The following CACNB4 variants were observed in gnomAD, a reference collection of about 807,000 sequenced individuals.
The protein encoded by CACNB4 is voltage-dependent L-type calcium channel subunit beta-4.
Under a neutral mutation model 71.2 loss-of-function variants are expected in CACNB4, and 32 were observed. That is an observed-to-expected ratio of 0.45 (90% CI 0.34 to 0.60). The LOEUF is 0.60. Among genes scored for constraint, CACNB4 ranks in the 20% least tolerant of loss-of-function variants. CACNB4 has a pLI of 0.01. For missense variants in CACNB4, 464 were observed against 647.9 expected (o/e 0.72, Z 3.08); for synonymous variants, 231 against 236.9 (o/e 0.97, Z 0.23).
At chr2:151,839,400 A>G in intron 13 of CACNB4, 21 bp from the exon 14 acceptor site, 1 of 1,573,884 alleles carries the variant, frequency 6.4e-7, no homozygotes, top group Non-Finnish European at 8.7e-7. Context: ...CAGATAGTTC[A>G]TTGATTAAAT....
chr2:152,020,471 C>G (rs958769829), intron 2 of CACNB4, among the ~76,000 whole-genome samples: 1 of 151,984 alleles, frequency 6.6e-6, no homozygotes, highest in East Asian at 1.9e-4. Context: ...GTGAATTGGA[C>G]GTGAGGAAAT....
At chr2:152,096,087 G>A (rs1029477813) in intron 2 of CACNB4, among the ~76,000 whole-genome samples, 9 of 152,206 alleles carry the variant, frequency 5.9e-5, no homozygotes, top group African/African-American at 2.2e-4. Flanking sequence ...TCAAAGAAAT[G>A]TAAATCCCTC....
intron 2 of CACNB4, among the ~76,000 whole-genome samples, chr2:152,053,044 C>A (rs1360938947): frequency 6.6e-6 from 1 of 152,108 alleles, no homozygotes; most frequent in Admixed American, 6.6e-5. Context: ...TTTGTCTCTG[C>A]CTCTAATTCC....
At chr2:152,013,654 C>A (rs542463180) in intron 2 of CACNB4, among the ~76,000 whole-genome samples, 1 of 152,162 alleles carries the variant, frequency 6.6e-6, no homozygotes, top group African/African-American at 2.4e-5. Flanking sequence ...ACCCTTCCCC[C>A]AGGATATAGA....
At chr2:152,054,239 G>A (rs1309145873) in intron 2 of CACNB4, among the ~76,000 whole-genome samples, 3 of 151,752 alleles carry the variant, frequency 2.0e-5, no homozygotes, top group East Asian at 1.9e-4. Context: ...GGTGGCGCGC[G>A]CCTGTAGTCC....
At chr2:151,907,459 C>A (rs1384586375) in intron 2 of CACNB4, among the ~76,000 whole-genome samples, 1 of 152,114 alleles carries the variant, frequency 6.6e-6, no homozygotes, top group Non-Finnish European at 1.5e-5. Flanking sequence ...TTCCCATATA[C>A]CCTTCACCCA....
chr2:152,079,154 T>C (rs554239783), intron 2 of CACNB4, among the ~76,000 whole-genome samples: 25 of 152,176 alleles, frequency 1.6e-4, no homozygotes, highest in Non-Finnish European at 3.2e-4. Context: ...AGTGGCTCGA[T>C]CTAAGCTCAC....
intron 2 of CACNB4, among the ~76,000 whole-genome samples, chr2:152,017,917 C>G (rs1324874242): frequency 6.6e-6 from 1 of 151,674 alleles, no homozygotes; most frequent in Non-Finnish European, 1.5e-5. Flanking sequence ...ACTGCAACCT[C>G]TGCCTCCTGG....
intron 2 of CACNB4, among the ~76,000 whole-genome samples, chr2:152,026,796 C>G (rs1684002269): frequency 6.6e-6 from 1 of 152,204 alleles, no homozygotes; most frequent in African/African-American, 2.4e-5. Context: ...GCTCACTACT[C>G]CAGACCAAAA....
intron 2 of CACNB4, among the ~76,000 whole-genome samples, chr2:151,911,891 T>C (rs113062684): frequency 0.1 from 15,301 of 152,206 alleles, 1,567 homozygotes; most frequent in East Asian, 0.55. Context: ...CCTGGTTTAA[T>C]CTCGGTAGGG....
chr2:151,889,395 G>A (rs2099850176), intron 2 of CACNB4, among the ~76,000 whole-genome samples: 1 of 147,774 alleles, frequency 6.8e-6, no homozygotes, highest in Non-Finnish European at 1.5e-5. Flanking sequence ...GAACCCAGGA[G>A]AAGGAGGTTG....
intron 3 of CACNB4, 70 bp downstream of exon 3, chr2:151,883,181 A>T: frequency 6.7e-7 from 1 of 1,487,820 alleles, no homozygotes. Context: ...AATGTGAGGT[A>T]AGGGAAGAGC....
chr2:151,980,057 A>T (rs1287056066), intron 2 of CACNB4, among the ~76,000 whole-genome samples: 1 of 152,228 alleles, frequency 6.6e-6, no homozygotes, highest in Non-Finnish European at 1.5e-5. Context: ...TGTTTAACGT[A>T]AAATTAGTAA....
At chr2:152,062,679 A>G (rs1239712702) in intron 2 of CACNB4, among the ~76,000 whole-genome samples, 3 of 152,244 alleles carry the variant, frequency 2.0e-5, no homozygotes, top group Admixed American at 6.5e-5. Context: ...CCAGCTTTGG[A>G]GCAGCTCCTG....
chr2:151,992,264 CA>C (rs1251372784), intron 2 of CACNB4, among the ~76,000 whole-genome samples: 1 of 152,212 alleles, frequency 6.6e-6, no homozygotes, highest in African/African-American at 2.4e-5. Context: ...GCCTGGCACC[CA>C]AAAAGTGCCA....
chr2:151,860,521 T>C (rs747154169), intron 10 of CACNB4, 190 bp downstream of exon 10: 1 of 604,696 alleles, frequency 1.7e-6, no homozygotes. Flanking sequence ...TGACTAAAGC[T>C]GAGAGACAGC....
intron 2 of CACNB4, among the ~76,000 whole-genome samples, chr2:152,002,254 T>A (rs1335831476): frequency 6.6e-6 from 1 of 152,216 alleles, no homozygotes; most frequent in African/African-American, 2.4e-5. Flanking sequence ...TCTTTCGTCC[T>A]CTTACTTGAA....
intron 2 of CACNB4, among the ~76,000 whole-genome samples, chr2:151,985,554 T>C (rs1681308759): frequency 6.6e-6 from 1 of 152,198 alleles, no homozygotes; most frequent in African/African-American, 2.4e-5. Context: ...ATTAGCTCAA[T>C]GTGAAGTACC....
intron 2 of CACNB4, among the ~76,000 whole-genome samples, chr2:152,039,173 C>T (rs1684748765): frequency 6.6e-6 from 1 of 152,164 alleles, no homozygotes; most frequent in Non-Finnish European, 1.5e-5. Context: ...AATCCCAGCA[C>T]TCTGGGAGGC....
Sources: gnomAD v4.1 joint callset for allele counts (sites outside exome capture counted in the v4.1 genomes callset) on GRCh38, gnomAD v4.1.1 for gene constraint, MANE v1.5 for transcripts, NCBI Gene and HGNC (gene_info 2026-07-23, HGNC 2026-07-21) for gene names.